The following SOX6 variants were observed in gnomAD, a reference collection of about 807,000 sequenced individuals.
The protein encoded by SOX6 is transcription factor SOX-6.
SOX6 carries 11 observed loss-of-function variants against 97.8 expected under a neutral mutation model. That is an observed-to-expected ratio of 0.11 (90% confidence interval 0.07 to 0.19). The LOEUF is 0.19. Ranked by LOEUF, SOX6 falls within the 10% of genes least tolerant of loss-of-function variation. SOX6 has a pLI of 1.00. For synonymous variants in SOX6, 360 were observed against 371.4 expected, an observed-to-expected ratio of 0.97 and a Z score of 0.35; for missense variants, 810 against 1,039.5, an observed-to-expected ratio of 0.78 and a Z score of 3.04.
chr11:16,114,208 T>C (rs2133997823), intron 6 of SOX6, among the ~76,000 whole-genome samples: 1 of 152,308 alleles, frequency 6.6e-6, no homozygotes, highest in Admixed American at 6.5e-5. Context: ...ATTACAGCCA[T>C]TCCTTCATTC....
At chr11:15,987,962 G>C (rs1041754764) in intron 14 of SOX6, among the ~76,000 whole-genome samples, 4 of 151,984 alleles carry the variant, frequency 2.6e-5, no homozygotes, top group African/African-American at 7.2e-5. Context: ...GCCTCAAAAT[G>C]CCTCAGAATC....
At chr11:16,183,989 A>G (rs1851406863) in intron 5 of SOX6, 35 bp from the exon 6 acceptor site, 1 of 1,577,192 alleles carries the variant, frequency 6.3e-7, no homozygotes, top group Non-Finnish European at 8.7e-7. Context: ...GTTAAAATGA[A>G]ATGCTTACAC....
At chr11:16,023,734 T>C (rs1855137965) in intron 12 of SOX6, among the ~76,000 whole-genome samples, 1 of 152,158 alleles carries the variant, frequency 6.6e-6, no homozygotes, top group African/African-American at 2.4e-5. Context: ...AAGGCCAATC[T>C]CTTATGAAAG....
At chr11:16,637,081 AT>A (rs199735443) in intron 3 of SOX6, among the ~76,000 whole-genome samples, 11 of 150,400 alleles carry the variant, frequency 7.3e-5, no homozygotes, top group East Asian at 3.9e-4. Context: ...AAATTGGCCT[AT>A]TTTTTTTTGA....
chr11:16,382,929 C>T (rs1399041682), intron 1 of SOX6, among the ~76,000 whole-genome samples: 1 of 146,406 alleles, frequency 6.8e-6, no homozygotes, highest in African/African-American at 2.5e-5. Flanking sequence ...ACAAAACAAA[C>T]AAAAAAAAAA....
intron 2 of SOX6, among the ~76,000 whole-genome samples, chr11:16,320,891 C>T (rs559110550): frequency 6.6e-6 from 1 of 152,176 alleles, no homozygotes; most frequent in South Asian, 2.1e-4. Flanking sequence ...CTGAAATAAA[C>T]AGAAAAGGAT....
intron 1 of SOX6, among the ~76,000 whole-genome samples, chr11:16,374,021 T>A (rs1857578376): frequency 6.6e-6 from 1 of 152,044 alleles, no homozygotes; most frequent in Non-Finnish European, 1.5e-5. Context: ...AGGCTGTACA[T>A]CATTGACCCA....
chr11:16,484,462 G>A (rs1323451845), intron 4 of SOX6: 19 of 806,262 alleles, frequency 2.4e-5, no homozygotes, highest in Admixed American at 1.4e-4. Context: ...AGAGCTCCTC[G>A]CACTTCACCA....
intron 13 of SOX6, among the ~76,000 whole-genome samples, chr11:15,990,404 T>A (rs1380024129): frequency 2.6e-5 from 4 of 151,822 alleles, no homozygotes; most frequent in Non-Finnish European, 5.9e-5. Flanking sequence ...AAATTCCTGA[T>A]GCTATATAAT....
chr11:16,408,682 G>A (rs187921444), intron 1 of SOX6: 1 of 151,802 alleles, frequency 6.6e-6, no homozygotes, highest in Non-Finnish European at 1.5e-5. Context: ...CAAATTACAT[G>A]TGAAGCCACA....
At chr11:16,358,768 T>A (rs1857131714), upstream of SOX6, among the ~76,000 whole-genome samples, 1 of 152,140 alleles carries the variant, frequency 6.6e-6, no homozygotes, top group South Asian at 2.1e-4. Flanking sequence ...TGGCCTCAAT[T>A]CTTTATCTGT....
intron 1 of SOX6, among the ~76,000 whole-genome samples, chr11:16,417,351 C>T (rs1858944596): frequency 6.6e-6 from 1 of 152,106 alleles, no homozygotes; most frequent in Non-Finnish European, 1.5e-5. Flanking sequence ...GCCACTAATT[C>T]AGCAAAAATT....
At chr11:16,702,334 C>A (rs1184507297) in intron 3 of SOX6, among the ~76,000 whole-genome samples, 2 of 152,120 alleles carry the variant, frequency 1.3e-5, no homozygotes, top group African/African-American at 4.8e-5. Context: ...ATTCAGGTAT[C>A]TTATATCAAC....
chr11:16,281,938 T>C (rs1177607592), intron 3 of SOX6, among the ~76,000 whole-genome samples: 1 of 149,144 alleles, frequency 6.7e-6, no homozygotes, highest in Non-Finnish European at 1.5e-5. Context: ...AGACAAGTTA[T>C]ATACACAAGT....
chr11:16,132,683 T>A (rs1194514370), intron 6 of SOX6, among the ~76,000 whole-genome samples: 1 of 150,448 alleles, frequency 6.6e-6, no homozygotes, highest in Non-Finnish European at 1.5e-5. Flanking sequence ...CCTCTTGAGC[T>A]ATCGGGTTAC....
At chr11:16,342,849 T>C (rs1480948813) in intron 1 of SOX6, among the ~76,000 whole-genome samples, 1 of 151,810 alleles carries the variant, frequency 6.6e-6, no homozygotes, top group Non-Finnish European at 1.5e-5. Context: ...TTGAAACATA[T>C]TAAAATGCTG....
chr11:16,289,421 G>A (rs1371892091), intron 3 of SOX6, among the ~76,000 whole-genome samples: 5 of 151,944 alleles, frequency 3.3e-5, no homozygotes, highest in Admixed American at 6.6e-5. Context: ...AATAGCTAAG[G>A]TTTTCAGCAG....
chr11:16,361,854 C>T (rs1017143022), intron 1 of SOX6, among the ~76,000 whole-genome samples: 1 of 152,166 alleles, frequency 6.6e-6, no homozygotes, highest in African/African-American at 2.4e-5. Flanking sequence ...TTTTAAATGG[C>T]AACAGGAAAT....
At chr11:16,158,189 C>T (rs1033563383) in intron 6 of SOX6, among the ~76,000 whole-genome samples, 6 of 151,926 alleles carry the variant, frequency 3.9e-5, no homozygotes, top group Admixed American at 3.9e-4. Flanking sequence ...TCTCTTCATT[C>T]TTGGATACTT....
Sources: allele counts gnomAD v4.1 joint callset (sites outside exome capture counted in the v4.1 genomes callset), GRCh38; gene constraint gnomAD v4.1.1; transcripts MANE v1.5; gene names NCBI Gene and HGNC (gene_info 2026-07-23, HGNC 2026-07-21).